The following AKR1C4 variants were observed in gnomAD, a reference collection of about 807,000 sequenced individuals.
The protein encoded by AKR1C4 is aldo-keto reductase family 1 member C4.
Under a neutral mutation model 41.0 loss-of-function variants are expected in AKR1C4, and 44 were observed. The observed-to-expected ratio is 1.07, with a 90% CI of 0.84 to 1.38. The LOEUF (loss-of-function observed/expected upper bound fraction) is 1.38, where lower values mean the gene tolerates loss of function less well. Among genes scored for constraint, AKR1C4 ranks in the 40% most tolerant of loss-of-function variants. AKR1C4 has a pLI of 0.00. For synonymous variants in AKR1C4, 165 were observed against 137.7 expected (o/e 1.20, Z -1.39); for missense variants, 438 against 387.9 (o/e 1.13, Z -1.09).
chr10:5,209,910 C>T (rs1442862629), intron 5 of AKR1C4, among the ~76,000 whole-genome samples: 1 of 152,188 alleles, frequency 6.6e-6, no homozygotes, highest in Non-Finnish European at 1.5e-5. Context: ...CAATTCAAAA[C>T]CAATCATGCA....
chr10:5,200,622 T>G (rs1832386412), intron 2 of AKR1C4, among the ~76,000 whole-genome samples: 1 of 152,230 alleles, frequency 6.6e-6, no homozygotes, highest in East Asian at 1.9e-4. Context: ...TATTTTAATT[T>G]CAACAGGTTT....
At chr10:5,201,917 T>G (rs1316559727) in intron 2 of AKR1C4, among the ~76,000 whole-genome samples, 1 of 152,148 alleles carries the variant, frequency 6.6e-6, no homozygotes, top group African/African-American at 2.4e-5. Flanking sequence ...AAGATTAGTA[T>G]TTGCCCTAAT....
At chr10:5,218,318 A>G (rs544556218) in intron 8 of AKR1C4, among the ~76,000 whole-genome samples, 39 of 152,320 alleles carry the variant, frequency 2.6e-4, no homozygotes, top group African/African-American at 8.9e-4. Flanking sequence ...ATAACATTTA[A>G]CCCTCAAAAC....
At chr10:5,200,708 C>T (rs1276360331) in intron 2 of AKR1C4, among the ~76,000 whole-genome samples, 3 of 152,264 alleles carry the variant, frequency 2.0e-5, no homozygotes, top group Admixed American at 6.5e-5. Flanking sequence ...AGCTGTCAGG[C>T]GATCACTGGA....
At chr10:5,217,104 G>A (rs1157639908) in intron 8 of AKR1C4, among the ~76,000 whole-genome samples, 1 of 152,226 alleles carries the variant, frequency 6.6e-6, no homozygotes, top group Non-Finnish European at 1.5e-5. Context: ...GTGGCCTAGT[G>A]GACAGTAGAT....
At chr10:5,199,676 A>C (rs1554796679) in intron 1 of AKR1C4, among the ~76,000 whole-genome samples, 1 of 152,134 alleles carries the variant, frequency 6.6e-6, no homozygotes, top group African/African-American at 2.4e-5. Flanking sequence ...GTCAGAAGAC[A>C]GTCCAGGCTG....
intron 8 of AKR1C4, among the ~76,000 whole-genome samples, chr10:5,217,307 C>A (rs990753770): frequency 6.6e-6 from 1 of 152,208 alleles, no homozygotes; most frequent in African/African-American, 2.4e-5. Context: ...TTTCAAATTT[C>A]TTTCTTCCTT....
In AKR1C4 at chr10:5,202,728, T is replaced by G. The variant is rs147763583; in HGVS notation, c.253-1649T>G. On this transcript the variant is annotated intron_variant, in intron 2 of 8. Transcript: ENST00000263126. The stretch of plus-strand genomic sequence containing the variant: ...TTTATTAATTGCTTTTTTGCATCTA[T>G]TGAAATGATCCTATGGTTTTGGTTT... Among the ~76,000 whole-genome samples the G allele has an allele frequency of 1.1e-4, 16 of 152,312 alleles. No individual in the cohort carries two copies. The East Asian group carries it at 2.3e-3, about 22-fold the overall frequency.
intron 2 of AKR1C4, among the ~76,000 whole-genome samples, chr10:5,201,007 G>C (rs7100517): frequency 0.18 from 27,731 of 151,808 alleles, 2,797 homozygotes; most frequent in Non-Finnish European, 0.23. Context: ...TTCATGCATT[G>C]GTTGATGGGC....
intron 5 of AKR1C4, among the ~76,000 whole-genome samples, chr10:5,206,761 A>G (rs952791118): frequency 1.3e-4 from 16 of 123,282 alleles, no homozygotes; most frequent in African/African-American, 6.0e-4. Context: ...GTATATAATT[A>G]TAGAGGCCAT....
chr10:5,209,848 T>C (rs576547860), intron 5 of AKR1C4, among the ~76,000 whole-genome samples: 18 of 138,398 alleles, frequency 1.3e-4, no homozygotes, highest in Admixed American at 4.2e-4. Flanking sequence ...TGGGGACACA[T>C]AGCCAAACCA....
chr10:5,207,254 G>A, intron 5 of AKR1C4: 1 of 216,662 alleles, frequency 4.6e-6, no homozygotes, highest in Non-Finnish European at 9.5e-6. Context: ...TGTTTGAACT[G>A]TGCTAGAAGA....
rs782346617 is a variant in AKR1C4 at position 5,200,214 on chromosome 10, T to C, written c.118T>C (p.Leu40=). The change falls in exon 2 of 9, where the codon TTA becomes CTA. Residue 40 remains leucine, a synonymous_variant. Transcript: ENST00000263126. ...GAACAGAGCTGTAGAGGTCACCAAA[T>C]TAGCAATAGAAGCTGGCTTCCGCCA... ...PRNRAVEVTK[L]AIEAGFRHID... 3.1e-6 allele frequency: 5 copies of C among 1,614,108 alleles called. No homozygotes were observed. In the Admixed American group the frequency reaches 8.3e-5, roughly 27 times the overall value.
chr10:5,209,570 T>C (rs1446122648), intron 5 of AKR1C4, among the ~76,000 whole-genome samples: 1 of 152,148 alleles, frequency 6.6e-6, no homozygotes, highest in Admixed American at 6.5e-5. Flanking sequence ...CATCCAAGAC[T>C]GGGACTTATA....
chr10:5,202,351 G>T, intron 2 of AKR1C4: 2 of 331,980 alleles, frequency 6.0e-6, no homozygotes, highest in Non-Finnish European at 1.2e-5. Flanking sequence ...TTCTGTAAAC[G>T]GATTTTGTAA....
At chr10:5,203,739 T>C (rs1554797159) in intron 2 of AKR1C4, among the ~76,000 whole-genome samples, 2 of 152,214 alleles carry the variant, frequency 1.3e-5, no homozygotes, top group Non-Finnish European at 2.9e-5. Flanking sequence ...GGGAGAGGCA[T>C]GCTAACACTG....
intron 8 of AKR1C4, 50 bp from the exon 9 acceptor site, chr10:5,218,668 T>C: frequency 6.8e-7 from 1 of 1,476,426 alleles, no homozygotes; most frequent in Non-Finnish European, 9.5e-7. Context: ...TACCAGCTTT[T>C]TAATAGAGTC....
At chr10:5,214,943 T>C (rs1407833974) in intron 7 of AKR1C4, among the ~76,000 whole-genome samples, 1 of 152,200 alleles carries the variant, frequency 6.6e-6, no homozygotes. Context: ...CATGATGTTA[T>C]TAGGATTTGG....
At chr10:5,212,448 A>C (rs1012656911) in intron 5 of AKR1C4, among the ~76,000 whole-genome samples, 168 bp from the exon 6 acceptor site, 1 of 152,196 alleles carries the variant, frequency 6.6e-6, no homozygotes, top group Non-Finnish European at 1.5e-5. Context: ...ACATTTCTAT[A>C]TATACTTTTA....
Sources: allele counts gnomAD v4.1 joint callset (sites outside exome capture counted in the v4.1 genomes callset), GRCh38; gene constraint gnomAD v4.1.1; transcripts MANE v1.5; gene names NCBI Gene and HGNC (gene_info 2026-07-23, HGNC 2026-07-21).